GPC5: variants seen among roughly 807,000 people sequenced by gnomAD.
GPC5 encodes glypican 5.
Under a neutral mutation model 53.9 loss-of-function variants are expected in GPC5, and 47 were observed. The observed-to-expected ratio is 0.87, with a 90% CI of 0.69 to 1.11. GPC5 has a LOEUF of 1.11. Ranked by LOEUF, GPC5 falls within the 50% of genes most tolerant of loss-of-function variation. The probability of loss-of-function intolerance (pLI) is 0.00; values close to 1 mark genes in which losing one functional copy is unlikely to be tolerated. For missense variants in GPC5, 748 were observed against 713.1 expected, an observed-to-expected ratio of 1.05 and a Z score of -0.56; for synonymous variants, 286 against 263.3, an observed-to-expected ratio of 1.09 and a Z score of -0.84.
chr13:92,172,914 GT>G (rs1310560895), intron 7 of GPC5, among the ~76,000 whole-genome samples: 5 of 150,344 alleles, frequency 3.3e-5, no homozygotes, highest in African/African-American at 7.3e-5. Flanking sequence ...TAGTTCTAGG[GT>G]TTTTTTAATT....
chr13:91,890,841 G>C (rs959267014), intron 5 of GPC5, among the ~76,000 whole-genome samples: 4 of 152,114 alleles, frequency 2.6e-5, no homozygotes, highest in African/African-American at 9.7e-5. Context: ...GCATTAAGAG[G>C]AGTAGAAGTC....
intron 2 of GPC5, among the ~76,000 whole-genome samples, chr13:91,658,456 A>G (rs2034901753): frequency 6.6e-6 from 1 of 152,160 alleles, no homozygotes; most frequent in Admixed American, 6.6e-5. Flanking sequence ...GATTTAATTA[A>G]TAAGGCCAAC....
At chr13:91,726,525 C>A (rs376246972) in intron 3 of GPC5, among the ~76,000 whole-genome samples, 13 of 152,170 alleles carry the variant, frequency 8.5e-5, no homozygotes, top group African/African-American at 3.1e-4. Flanking sequence ...AATATAATTT[C>A]CTTTTATGCT....
intron 1 of GPC5, among the ~76,000 whole-genome samples, chr13:91,447,560 C>T (rs1443556393): frequency 6.6e-6 from 1 of 152,130 alleles, no homozygotes; most frequent in African/African-American, 2.4e-5. Flanking sequence ...TGATAGGAAG[C>T]TCAGAGTGGT....
intron 6 of GPC5, among the ~76,000 whole-genome samples, chr13:92,127,336 T>C (rs2138956374): frequency 6.6e-6 from 1 of 152,014 alleles, no homozygotes; most frequent in East Asian, 1.9e-4. Context: ...TGTGTATATA[T>C]ATATATCAAA....
At chr13:91,895,553 T>C (rs985812740) in intron 5 of GPC5, among the ~76,000 whole-genome samples, 8 of 152,172 alleles carry the variant, frequency 5.3e-5, no homozygotes, top group Non-Finnish European at 1.0e-4. Flanking sequence ...TGATGGTTCT[T>C]ATTACCAGGC....
At chr13:92,051,957 A>G (rs938629900) in intron 6 of GPC5, among the ~76,000 whole-genome samples, 1 of 152,192 alleles carries the variant, frequency 6.6e-6, no homozygotes, top group African/African-American at 2.4e-5. Context: ...TATAGTTCCA[A>G]ACCTAGTGAG....
intron 7 of GPC5, among the ~76,000 whole-genome samples, chr13:92,197,316 A>T (rs1414727195): frequency 6.6e-6 from 1 of 152,232 alleles, no homozygotes; most frequent in East Asian, 1.9e-4. Flanking sequence ...GACATAAATA[A>T]GTGTATCTAC....
At chr13:91,993,698 C>CT (rs767821641) in intron 6 of GPC5, among the ~76,000 whole-genome samples, 6 of 152,080 alleles carry the variant, frequency 3.9e-5, no homozygotes, top group African/African-American at 1.2e-4. Flanking sequence ...ATGAAATACT[C>CT]TTTTTTATAG....
intron 7 of GPC5, among the ~76,000 whole-genome samples, chr13:92,601,730 C>A (rs1046511649): frequency 6.6e-6 from 1 of 151,202 alleles, no homozygotes; most frequent in Non-Finnish European, 1.5e-5. Context: ...TATGATATAG[C>A]CTAGTATTAT....
Position 91,735,013 on chromosome 13 carries a change from A to G in GPC5, c.1154+6348A>G, listed in dbSNP as rs148168068. ...ATATATTAATTTGTTCCTTTTAGAC[A>G]TTGAAAACATTTTTTATCTAAGAAA... On this transcript the variant is annotated intron_variant, in intron 4 of 7. Transcript: ENST00000377067. 9.7e-3 allele frequency among the ~76,000 whole-genome samples: 1,465 copies of G among 151,110 alleles called. 84 individuals carry two copies. The highest frequency in any genetic ancestry group is 0.032 in the African/African-American group (1,306 of 40,656).
rs147905286 is a variant in GPC5 at position 91,816,406 on chromosome 13, T to C, written c.1280+59986T>C. 1.8e-4 allele frequency among the ~76,000 whole-genome samples: 28 copies of C among 152,292 alleles called. 1 individual carries two copies. The East Asian group carries it at 5.0e-3, about 27-fold the overall frequency. On this transcript the variant is annotated intron_variant, in intron 5 of 7. Transcript: ENST00000377067. ...GGGAAGCATCACATGAAGAATGTGA[T>C]GGATTTGCTTTCAGGGAGGGAAAGG... is the stretch of plus-strand genomic sequence containing the variant.
At chr13:92,405,756 A>G (rs984144511) in intron 7 of GPC5, among the ~76,000 whole-genome samples, 88 of 152,304 alleles carry the variant, frequency 5.8e-4, no homozygotes, top group African/African-American at 2.0e-3. Flanking sequence ...TTTTTTGAGT[A>G]TTTATAAAGT....
chr13:92,674,453 A>G (rs1886861372), intron 7 of GPC5, among the ~76,000 whole-genome samples: 1 of 152,128 alleles, frequency 6.6e-6, no homozygotes, highest in African/African-American at 2.4e-5. Context: ...AATCATAGGA[A>G]TAGCATCGAG....
chr13:92,643,124 G>C (rs2139153089), intron 7 of GPC5, among the ~76,000 whole-genome samples: 1 of 152,190 alleles, frequency 6.6e-6, no homozygotes, highest in South Asian at 2.1e-4. Context: ...CTGGATATTA[G>C]CCCTTTGTCA....
intron 2 of GPC5, among the ~76,000 whole-genome samples, chr13:91,662,280 G>A (rs1047051578): frequency 2.0e-5 from 3 of 152,170 alleles, no homozygotes; most frequent in Non-Finnish European, 2.9e-5. Context: ...ATGTATTAAG[G>A]AGGAGGGAAT....
At chr13:91,495,031 A>G (rs1449678607) in intron 2 of GPC5, among the ~76,000 whole-genome samples, 1 of 152,232 alleles carries the variant, frequency 6.6e-6, no homozygotes, top group African/African-American at 2.4e-5. Context: ...TTTCTAATAG[A>G]TATCTCAAGC....
chr13:91,535,737 T>G (rs1886562564), intron 2 of GPC5, among the ~76,000 whole-genome samples: 3 of 152,090 alleles, frequency 2.0e-5, no homozygotes, highest in Admixed American at 2.0e-4. Flanking sequence ...TTTGGGTCTT[T>G]AGGGAGAGGG....
chr13:92,832,345 T>G (rs1006355166), intron 7 of GPC5, among the ~76,000 whole-genome samples: 1 of 152,184 alleles, frequency 6.6e-6, no homozygotes, highest in African/African-American at 2.4e-5. Flanking sequence ...TCCATAAAGA[T>G]GGAAGAACTA....
Sources: gnomAD v4.1 joint callset for allele counts (sites outside exome capture counted in the v4.1 genomes callset) on GRCh38, gnomAD v4.1.1 for gene constraint, MANE v1.5 for transcripts, NCBI Gene and HGNC (gene_info 2026-07-23, HGNC 2026-07-21) for gene names.